The following ARSG variants were observed in gnomAD, a reference collection of about 807,000 sequenced individuals.
ARSG encodes arylsulfatase G.
A neutral mutation model predicts 50.5 loss-of-function variants in ARSG; 37 were observed. The ratio of observed to expected loss-of-function variants is 0.73; its 90% CI spans 0.56 to 0.96. ARSG has a LOEUF of 0.96. Among genes scored for constraint, ARSG ranks in the 50% least tolerant of loss-of-function variants. The pLI, the probability that ARSG is intolerant of heterozygous loss-of-function variation, is 0.00. For synonymous variants in ARSG, 225 were observed against 254.6 expected (o/e 0.88, Z 1.11); for missense variants, 629 against 675.3 (o/e 0.93, Z 0.76).
chr17:68,324,804 A>C (rs9905889), intron 2 of ARSG, among the ~76,000 whole-genome samples: 1,860 of 152,288 alleles, frequency 0.012, 31 homozygotes, highest in African/African-American at 0.042. Flanking sequence ...TATTTTTGTT[A>C]CTATAAGACA....
In ARSG at chr17:68,413,406, G is replaced by A. The variant is rs989413856; in HGVS notation, c.1304-6783G>A. 4.5e-4 allele frequency among the ~76,000 whole-genome samples: 69 copies of A among 152,210 alleles called. 1 individual carries two copies. Among genetic ancestry groups the A allele is most frequent in the African/African-American group, 1.5e-3 (64 of 41,464 alleles). Reference sequence around the variant, plus strand: ...TGTGAGGTGTCAGTCTGCCCCTGCTGGGGGGTGCCTCCCAGTTAGGCTGCT... The same window carrying A: ...TGTGAGGTGTCAGTCTGCCCCTGCTAGGGGGTGCCTCCCAGTTAGGCTGCT... On this transcript the variant is annotated intron_variant, in intron 11 of 11. Coordinates refer to ENST00000621439, the MANE Select transcript of ARSG (RefSeq NM_001267727.2).
chr17:68,410,810 TGGTCTATTCA>T (rs2081965727), intron 11 of ARSG, among the ~76,000 whole-genome samples: 1 of 152,192 alleles, frequency 6.6e-6, no homozygotes, highest in Non-Finnish European at 1.5e-5. Context: ...ATCCTGTTAT[TGGTCTATTCA>T]GAGATTCAGC....
intron 6 of ARSG, among the ~76,000 whole-genome samples, chr17:68,366,013 T>C: frequency 6.6e-6 from 1 of 152,132 alleles, no homozygotes; most frequent in East Asian, 1.9e-4. Context: ...CTTGGCTCAC[T>C]GCAACCTCTG....
chr17:68,431,630 G>T, the ARSG span, among the ~76,000 whole-genome samples: 1 of 66,062 alleles, frequency 1.5e-5, no homozygotes, highest in Non-Finnish European at 3.1e-5. Context: ...AAAGAGACTG[G>T]AAAGTCAGAC....
intron 1 of ARSG, among the ~76,000 whole-genome samples, chr17:68,286,046 A>G (rs1305296119): frequency 6.6e-6 from 1 of 152,154 alleles, no homozygotes; most frequent in Admixed American, 6.5e-5. Flanking sequence ...GATGTGAGCC[A>G]CCGCGCCTGG....
intron 2 of ARSG, among the ~76,000 whole-genome samples, chr17:68,331,393 CA>C (rs2077761480): frequency 6.6e-6 from 1 of 152,052 alleles, no homozygotes; most frequent in Non-Finnish European, 1.5e-5. Flanking sequence ...TACAGGCGCC[CA>C]CCAGCTTGCC....
At chr17:68,377,982 A>G (rs946530988) in intron 8 of ARSG, among the ~76,000 whole-genome samples, 2 of 152,174 alleles carry the variant, frequency 1.3e-5, no homozygotes, top group African/African-American at 4.8e-5. Flanking sequence ...GCCTGGGGGT[A>G]AATACTTCTT....
chr17:68,300,484 G>A (rs1328435375), intron 1 of ARSG, among the ~76,000 whole-genome samples: 4 of 152,192 alleles, frequency 2.6e-5, no homozygotes, highest in African/African-American at 4.8e-5. Context: ...TCCAGTGAGC[G>A]AATTTCAGAC....
intron 8 of ARSG, among the ~76,000 whole-genome samples, 189 bp downstream of exon 8, chr17:68,370,713 G>A (rs2079797547): frequency 6.6e-6 from 1 of 152,096 alleles, no homozygotes; most frequent in African/African-American, 2.4e-5. Flanking sequence ...TGGAGAAAAC[G>A]ACTGCTCAGT....
chr17:68,307,866 T>C (rs147335673), intron 2 of ARSG, among the ~76,000 whole-genome samples, 155 bp downstream of exon 2: 89 of 152,280 alleles, frequency 5.8e-4, no homozygotes, highest in African/African-American at 2.1e-3. Flanking sequence ...CAGCATAGCA[T>C]CGTGAAGAAA....
At chr17:68,431,195 C>T in the ARSG span, among the ~76,000 whole-genome samples, 18 of 152,250 alleles carry the variant, frequency 1.2e-4, 1 homozygote, top group African/African-American at 4.3e-4. Context: ...AGTTAATATG[C>T]GGTGCTGCAC....
chr17:68,325,478 G>A (rs551924218), intron 2 of ARSG, among the ~76,000 whole-genome samples: 6 of 152,180 alleles, frequency 3.9e-5, no homozygotes, highest in Admixed American at 6.5e-5. Context: ...GAATCATCTC[G>A]AAACCATCCC....
downstream of ARSG, chr17:68,427,067 G>A: frequency 7.7e-7 from 1 of 1,298,678 alleles, no homozygotes; most frequent in Non-Finnish European, 1.1e-6. Flanking sequence ...AGGGGAGGGA[G>A]CGTGCAGGGA....
At chr17:68,345,050 T>C (rs2146276847) in intron 3 of ARSG, among the ~76,000 whole-genome samples, 1 of 152,302 alleles carries the variant, frequency 6.6e-6, no homozygotes, top group East Asian at 1.9e-4. Context: ...CACTTCTCTT[T>C]TTCCAATCCC....
intron 2 of ARSG, among the ~76,000 whole-genome samples, chr17:68,331,177 GTTTCTTTCTTTCTTTCTTTCTTTC>G (rs71142163): frequency 3.4e-5 from 4 of 118,930 alleles, no homozygotes; most frequent in Admixed American, 8.8e-5. Flanking sequence ...CAAAGACAGG[GTTTCTTTCTTTCTTTCTTTCTTTC>G]TTTCTTTCTT....
chr17:68,421,447 T>C (rs112177875), downstream of ARSG: 3 of 324,516 alleles, frequency 9.2e-6, no homozygotes, highest in African/African-American at 2.1e-5. Flanking sequence ...AAGTACATTT[T>C]TTACACGGCA....
At chr17:68,433,771 T>TG in the ARSG span, among the ~76,000 whole-genome samples, 63 of 21,380 alleles carry the variant, frequency 2.9e-3, no homozygotes, top group Admixed American at 6.2e-3. Flanking sequence ...TTTTTTTTTT[T>TG]TTTTTTTTTT....
intron 3 of ARSG, among the ~76,000 whole-genome samples, chr17:68,344,588 A>G (rs1353601632): frequency 6.6e-6 from 1 of 152,254 alleles, no homozygotes; most frequent in Admixed American, 6.5e-5. Flanking sequence ...GAAGCTGCCT[A>G]ACCTGGAGGG....
At chr17:68,264,000 G>GTA (rs2075114309) in intron 1 of ARSG, among the ~76,000 whole-genome samples, 3 of 152,080 alleles carry the variant, frequency 2.0e-5, no homozygotes, top group Non-Finnish European at 2.9e-5. Context: ...TGGGATTACA[G>GTA]GCACGCACCA....
Sources: allele counts gnomAD v4.1 joint callset (sites outside exome capture counted in the v4.1 genomes callset), GRCh38; gene constraint gnomAD v4.1.1; transcripts MANE v1.5; gene names NCBI Gene and HGNC (gene_info 2026-07-23, HGNC 2026-07-21).